The following ACSM1 variants were observed in gnomAD, a reference collection of about 807,000 sequenced individuals.
The protein encoded by ACSM1 is acyl-CoA synthetase medium chain family member 1.
In ACSM1, 79 loss-of-function variants were observed where a neutral mutation model predicts 75.8. The observed-to-expected ratio is 1.04, with a 90% confidence interval of 0.87 to 1.26. The LOEUF (loss-of-function observed/expected upper bound fraction) is 1.26. Among genes scored for constraint, ACSM1 ranks in the 50% most tolerant of loss-of-function variants. The pLI is 0.00. For synonymous variants in ACSM1, 279 were observed against 265.8 expected, an observed-to-expected ratio of 1.05 and a Z score of -0.48; for missense variants, 676 against 720.1, an observed-to-expected ratio of 0.94 and a Z score of 0.70.
intron 10 of ACSM1, among the ~76,000 whole-genome samples, chr16:20,633,140 A>G (rs2152200860): frequency 6.6e-6 from 1 of 152,326 alleles, no homozygotes; most frequent in Middle Eastern, 3.4e-3. Flanking sequence ...TCTATTCTAC[A>G]TAGTCCCGGA....
At chr16:20,627,869 C>CATATATATAT (rs61366465) in intron 10 of ACSM1, among the ~76,000 whole-genome samples, 13 of 77,550 alleles carry the variant, frequency 1.7e-4, no homozygotes, top group Non-Finnish European at 2.2e-4. Flanking sequence ...TGTATGTATA[C>CATATATATAT]ATATATATAT....
chr16:20,694,403 C>T (rs1451711789), intron 1 of ACSM1, among the ~76,000 whole-genome samples: 12 of 152,178 alleles, frequency 7.9e-5, no homozygotes, highest in African/African-American at 2.2e-4. Flanking sequence ...TATTTCTTTA[C>T]GGCACCAAGG....
In ACSM1 at chr16:20,636,788, CCAATGTTTCCTT is replaced by C; in HGVS notation, c.1238_1249del (p.Glu413_Ile416del). ...AGGCCTGACAGGTTTGATTCTGATG[CCAATGTTTCCTT>C]CTGTGTTAGGTGGCAGGATGCTGCC... On this transcript the variant is annotated inframe_deletion, in exon 10 of 14. Coordinates refer to ENST00000520010, the MANE Select transcript of ACSM1 (RefSeq NM_001318890.3). 1 of 1,614,028 alleles carries C rather than the reference CCAATGTTTCCTT, an allele frequency of 6.2e-7. No homozygotes were observed. Among genetic ancestry groups the C allele is most frequent in the Non-Finnish European group, 8.5e-7 (1 of 1,180,010 alleles).
chr16:20,652,933 T>G (rs369530695), intron 7 of ACSM1, among the ~76,000 whole-genome samples: 1 of 152,148 alleles, frequency 6.6e-6, no homozygotes, highest in Non-Finnish European at 1.5e-5. Flanking sequence ...TACCAAAGCC[T>G]GGCAGAGACA....
chr16:20,653,973 G>C (rs982339362), intron 7 of ACSM1, among the ~76,000 whole-genome samples: 15 of 152,106 alleles, frequency 9.9e-5, no homozygotes, highest in African/African-American at 3.4e-4. Context: ...AACAACAAAG[G>C]TGGAGGCATC....
intron 6 of ACSM1, among the ~76,000 whole-genome samples, chr16:20,663,142 A>C (rs2152260700): frequency 6.6e-6 from 1 of 151,920 alleles, no homozygotes; most frequent in Non-Finnish European, 1.5e-5. Flanking sequence ...AGGGCATAAA[A>C]CCCCTTGTGG....
At chr16:20,636,703 T>C (rs528932072) in intron 10 of ACSM1, 36 bp downstream of exon 10, 1 of 1,531,794 alleles carries the variant, frequency 6.5e-7, no homozygotes, top group African/African-American at 1.4e-5. Flanking sequence ...GTTGGGATCC[T>C]TGGGGCCAGG....
chr16:20,627,824 ATC>A (rs68102086), intron 10 of ACSM1, among the ~76,000 whole-genome samples: 26,422 of 98,730 alleles, frequency 0.27, 4,010 homozygotes, highest in Non-Finnish European at 0.32. Flanking sequence ...GTGAGACTTC[ATC>A]TCTCTCTCTC....
At chr16:20,697,556 TACACACACAC>T (rs57633278) in intron 1 of ACSM1, 70 bp downstream of exon 1, 32,281 of 139,544 alleles carry the variant, frequency 0.23, 3,784 homozygotes, top group Middle Eastern at 0.29. Flanking sequence ...AAAATTGGAT[TACACACACAC>T]ACACACACAC....
At chr16:20,629,050 T>C (rs1169901885) in intron 10 of ACSM1, among the ~76,000 whole-genome samples, 2 of 152,244 alleles carry the variant, frequency 1.3e-5, no homozygotes, top group Admixed American at 1.3e-4. Context: ...ATTCTTAGTT[T>C]AGTGCTGATA....
intron 10 of ACSM1, among the ~76,000 whole-genome samples, chr16:20,634,171 A>G (rs1352770187): frequency 7.9e-5 from 12 of 152,234 alleles, no homozygotes; most frequent in Non-Finnish European, 1.5e-5. Context: ...TCAATGCCCA[A>G]TTGCAAAATA....
Position 20,637,577 on chromosome 16 carries a change from G to A in ACSM1, c.1117-126C>T, listed in dbSNP as rs535069688. On this transcript the variant is annotated intron_variant, in intron 8 of 13. Transcript: ENST00000520010. ...TTCCTCTCAATGGATGCTGCCCAAA[G>A]AGCCCTCGTAGGGAAGCTGGAAGGC... 3.5e-6 allele frequency: 3 copies of A among 853,626 alleles called. No individual in the cohort carries two copies. In the East Asian group the frequency reaches 7.5e-5, roughly 21 times the overall value. The allele number at this position is 853,626 out of a possible 1,614,324, so 52.9% of individuals were successfully genotyped here. A position where few individuals can be genotyped will look rare whatever the true frequency, so the allele number is the denominator to read the frequency against.
At chr16:20,649,432 T>C (rs1208686538) in intron 7 of ACSM1, among the ~76,000 whole-genome samples, 1 of 152,226 alleles carries the variant, frequency 6.6e-6, no homozygotes, top group East Asian at 1.9e-4. Flanking sequence ...GTCCACATTC[T>C]ATAGAGAATC....
At position 20,648,093 on chromosome 16, in the gene ACSM1, T is replaced by G. The variant is rs934831361; in HGVS notation, c.993-7509A>C. ...TCTCAAATTGTCTTTTTCTCAATCC[T>G]TTGACTCTGCCGGACTTCATTACCC... On this transcript the variant is annotated intron_variant, in intron 7 of 13. Transcript: ENST00000520010. This position sits in a 1 kb window ranked among gnomAD's most constrained non-coding sequence, Gnocchi z 4.2. Among the ~76,000 whole-genome samples the G allele has an allele frequency of 1.2e-4, 18 of 152,184 alleles. No homozygotes were observed. The highest frequency in any genetic ancestry group is 2.5e-4 in the Non-Finnish European group (17 of 68,040).
chr16:20,670,043 C>G (rs1321108224), intron 5 of ACSM1, 57 bp from the exon 6 acceptor site: 6 of 1,571,598 alleles, frequency 3.8e-6, no homozygotes, highest in South Asian at 3.4e-5. Flanking sequence ...TGATGAAGGG[C>G]TGTGCACTCT....
At chr16:20,625,932 T>C (rs1163464324) in intron 11 of ACSM1, among the ~76,000 whole-genome samples, 1 of 152,230 alleles carries the variant, frequency 6.6e-6, no homozygotes, top group Non-Finnish European at 1.5e-5. Flanking sequence ...TACAACATGA[T>C]GTTTTGATGT....
chr16:20,639,195 G>A lies in ACSM1; in HGVS notation c.1116+1266C>T, dbSNP rs144048666. Among the ~76,000 whole-genome samples, 483 of 152,288 alleles carry A rather than the reference G, an allele frequency of 3.2e-3. 2 individuals are homozygous for A. The highest frequency in any genetic ancestry group is 0.011 in the African/African-American group (448 of 41,560). On this transcript the variant is annotated intron_variant, in intron 8 of 13. Coordinates refer to ENST00000520010, the MANE Select transcript of ACSM1 (RefSeq NM_001318890.3). Reference sequence around the variant, plus strand: ...GTTGGAAGAGATGCTCACCCACACTGTAATTGATGAGGTCCTTGAACTTCC... The same window carrying A: ...GTTGGAAGAGATGCTCACCCACACTATAATTGATGAGGTCCTTGAACTTCC...
At chr16:20,645,571 C>G (rs2018315341) in intron 7 of ACSM1, among the ~76,000 whole-genome samples, 1 of 152,208 alleles carries the variant, frequency 6.6e-6, no homozygotes, top group Admixed American at 6.5e-5. Context: ...TATAATATTA[C>G]TGCTAAATCA....
intron 10 of ACSM1, among the ~76,000 whole-genome samples, chr16:20,627,545 A>G (rs1481101801): frequency 2.0e-5 from 3 of 152,096 alleles, no homozygotes; most frequent in Non-Finnish European, 4.4e-5. Context: ...AAAAATATCA[A>G]TTCTGCCACG....
Sources: allele counts gnomAD v4.1 joint callset (sites outside exome capture counted in the v4.1 genomes callset), GRCh38; gene constraint gnomAD v4.1.1; non-coding constraint Gnocchi (gnomAD v3.1); transcripts MANE v1.5; gene names NCBI Gene and HGNC (gene_info 2026-07-23, HGNC 2026-07-21).